The following ST6GALNAC3 variants were observed in gnomAD, a reference collection of about 807,000 sequenced individuals.
ST6GALNAC3 encodes ST6 N-acetylgalactosaminide alpha-2,6-sialyltransferase 3.
A neutral mutation model predicts 32.7 loss-of-function variants in ST6GALNAC3; 25 were observed. The observed-to-expected ratio is 0.76, with a 90% CI of 0.56 to 1.07. The LOEUF is 1.07. Ranked by LOEUF, ST6GALNAC3 falls within the 50% of genes least tolerant of loss-of-function variation. The pLI is 0.00. For missense variants in ST6GALNAC3, 355 were observed against 382.4 expected, an observed-to-expected ratio of 0.93 and a Z score of 0.60; for synonymous variants, 129 against 133.1, an observed-to-expected ratio of 0.97 and a Z score of 0.21.
chr1:76,151,645 C>A (rs1354187222), intron 1 of ST6GALNAC3, among the ~76,000 whole-genome samples: 1 of 151,854 alleles, frequency 6.6e-6, no homozygotes, highest in East Asian at 2.0e-4. Context: ...AGCACAGGTG[C>A]CTCTGAGTGA....
rs148179108 is a variant in ST6GALNAC3 at position 76,453,439 on chromosome 1, C to T, written c.623+41022C>T. Among the ~76,000 whole-genome samples, 691 of 152,098 alleles carry T rather than the reference C, an allele frequency of 4.5e-3. 4 individuals are homozygous for T. The highest frequency in any genetic ancestry group is 0.016 in the African/African-American group (660 of 41,498). On this transcript the variant is annotated intron_variant, in intron 3 of 4. Transcript: ENST00000328299. The stretch of plus-strand genomic sequence containing the variant: ...GGGCTATGAACTTTCCTCTTGGCAC[C>T]GCCTTTGCTGTATCCCAGAGGTTTT...
Position 76,305,695 on chromosome 1 carries a change from TTAC to T in ST6GALNAC3, c.19-8107_19-8105del, listed in dbSNP as rs560572870. Among the ~76,000 whole-genome samples, 20 of 152,246 alleles carry T rather than the reference TTAC, an allele frequency of 1.3e-4. No individual in the cohort carries two copies. In the East Asian group the frequency reaches 3.9e-3, roughly 29 times the overall value. On this transcript the variant is annotated intron_variant, in intron 1 of 4. Coordinates refer to ENST00000328299, the MANE Select transcript of ST6GALNAC3 (RefSeq NM_152996.4). Reference sequence around the variant, plus strand: ...TACTTTCAGATCGGCCTTTTTTCTCTTACTAGGAGAATATAGTCCAGATAGAGT... The same window carrying T: ...TACTTTCAGATCGGCCTTTTTTCTCTTAGGAGAATATAGTCCAGATAGAGT...
intron 1 of ST6GALNAC3, among the ~76,000 whole-genome samples, chr1:76,296,217 G>A (rs1660396206): frequency 6.6e-6 from 1 of 152,056 alleles, no homozygotes; most frequent in Non-Finnish European, 1.5e-5. Flanking sequence ...CAGAGGGGAG[G>A]AAGTGGAGGA....
At chr1:76,429,077 C>T (rs529920529) in intron 3 of ST6GALNAC3, among the ~76,000 whole-genome samples, 35 of 152,154 alleles carry the variant, frequency 2.3e-4, no homozygotes, top group Non-Finnish European at 4.4e-4. Context: ...ATTAGTCCTT[C>T]CTCTTCTACT....
chr1:76,396,843 G>T (rs1422838038), intron 2 of ST6GALNAC3, among the ~76,000 whole-genome samples: 1 of 152,102 alleles, frequency 6.6e-6, no homozygotes, highest in Non-Finnish European at 1.5e-5. Flanking sequence ...TAGCATTTTG[G>T]TTTAATCTTG....
At chr1:76,118,020 G>A (rs1287664500) in intron 1 of ST6GALNAC3, among the ~76,000 whole-genome samples, 1 of 152,148 alleles carries the variant, frequency 6.6e-6, no homozygotes, top group Non-Finnish European at 1.5e-5. Flanking sequence ...TGTGCAGAAT[G>A]TGCAGGTTTA....
intron 3 of ST6GALNAC3, among the ~76,000 whole-genome samples, chr1:76,419,944 C>CTTTTTTTTTTT (rs66531652): frequency 7.2e-6 from 1 of 138,812 alleles, no homozygotes. Context: ...TTCTTTCTTT[C>CTTTTTTTTTTT]TTTTTTTTTT....
chr1:76,129,208 C>A (rs1417894741), intron 1 of ST6GALNAC3, among the ~76,000 whole-genome samples: 1 of 152,058 alleles, frequency 6.6e-6, no homozygotes, highest in East Asian at 1.9e-4. Context: ...CCTGTGGGGT[C>A]CCAAGGAGGT....
At chr1:76,226,579 G>A (rs1207967833) in intron 1 of ST6GALNAC3, among the ~76,000 whole-genome samples, 4 of 152,146 alleles carry the variant, frequency 2.6e-5, no homozygotes, top group Non-Finnish European at 4.4e-5. Context: ...TCTGCAGGCC[G>A]TACGGGAAGC....
At chr1:76,322,047 T>G (rs1334334352) in intron 2 of ST6GALNAC3, among the ~76,000 whole-genome samples, 1 of 152,120 alleles carries the variant, frequency 6.6e-6, no homozygotes, top group African/African-American at 2.4e-5. Flanking sequence ...GGTAGAAAAG[T>G]CCCCATTTGC....
intron 1 of ST6GALNAC3, among the ~76,000 whole-genome samples, chr1:76,161,246 A>T (rs1651781747): frequency 6.6e-6 from 1 of 152,224 alleles, no homozygotes; most frequent in South Asian, 2.1e-4. Flanking sequence ...CTATCACTTG[A>T]GTGTAAAGTG....
intron 1 of ST6GALNAC3, among the ~76,000 whole-genome samples, chr1:76,091,137 G>T (rs1214521423): frequency 1.3e-5 from 2 of 152,184 alleles, no homozygotes; most frequent in Non-Finnish European, 2.9e-5. Context: ...TCTTGCACTG[G>T]CCCCAGACCA....
chr1:76,400,765 C>T (rs1653350118), intron 2 of ST6GALNAC3, among the ~76,000 whole-genome samples: 1 of 151,872 alleles, frequency 6.6e-6, no homozygotes, highest in South Asian at 2.1e-4. Flanking sequence ...TGGGCACCTA[C>T]AATTCCAGCT....
intron 2 of ST6GALNAC3, among the ~76,000 whole-genome samples, chr1:76,324,585 C>G (rs1045364481): frequency 6.6e-6 from 1 of 152,148 alleles, no homozygotes; most frequent in Admixed American, 6.5e-5. Context: ...GACAACTCCT[C>G]TAAACTGTTC....
chr1:76,570,290 C>G (rs1211190078), intron 3 of ST6GALNAC3, among the ~76,000 whole-genome samples: 2 of 152,050 alleles, frequency 1.3e-5, no homozygotes, highest in Admixed American at 6.6e-5. Context: ...TTCACCAGTG[C>G]TTTGGATATT....
chr1:76,292,488 C>A (rs1660154389), intron 1 of ST6GALNAC3, among the ~76,000 whole-genome samples: 1 of 152,098 alleles, frequency 6.6e-6, no homozygotes, highest in Non-Finnish European at 1.5e-5. Flanking sequence ...AATATAAGTT[C>A]TCTTTGTGGT....
At chr1:76,144,844 T>C (rs1650576798) in intron 1 of ST6GALNAC3, among the ~76,000 whole-genome samples, 1 of 152,220 alleles carries the variant, frequency 6.6e-6, no homozygotes, top group Non-Finnish European at 1.5e-5. Context: ...CTTGACAAAC[T>C]GTGTAATTTA....
At chr1:76,128,581 C>A (rs17098144) in intron 1 of ST6GALNAC3, among the ~76,000 whole-genome samples, 1,997 of 152,290 alleles carry the variant, frequency 0.013, 69 homozygotes, top group African/African-American at 0.046. Flanking sequence ...CATCCCCAGA[C>A]CTTCATCAAG....
intron 3 of ST6GALNAC3, among the ~76,000 whole-genome samples, chr1:76,614,923 G>A (rs1477166899): frequency 2.0e-5 from 3 of 151,788 alleles, no homozygotes; most frequent in African/African-American, 7.3e-5. Context: ...GGTTCCAGGG[G>A]GTGCAGGGTG....
Sources: gnomAD v4.1 joint callset for allele counts (sites outside exome capture counted in the v4.1 genomes callset) on GRCh38, gnomAD v4.1.1 for gene constraint, MANE v1.5 for transcripts, NCBI Gene and HGNC (gene_info 2026-07-23, HGNC 2026-07-21) for gene names.